LGR5: variants seen among roughly 807,000 people sequenced by gnomAD.
LGR5 encodes the protein leucine-rich repeat-containing G protein-coupled receptor 5.
A neutral mutation model predicts 76.7 loss-of-function variants in LGR5; 54 were observed. The observed-to-expected ratio is 0.70, with a 90% CI of 0.57 to 0.88. The LOEUF is 0.88. Ranked by LOEUF, LGR5 falls within the 40% of genes least tolerant of loss-of-function variation. The pLI, the probability that LGR5 is intolerant of heterozygous loss-of-function variation, is 0.00. For missense variants in LGR5, 1,078 were observed against 1,073.3 expected (o/e 1.00, Z -0.06); for synonymous variants, 406 against 421.9 (o/e 0.96, Z 0.46).
At chr12:71,516,716 G>T (rs1468170741) in intron 2 of LGR5, among the ~76,000 whole-genome samples, 1 of 152,086 alleles carries the variant, frequency 6.6e-6, no homozygotes, top group African/African-American at 2.4e-5. Flanking sequence ...ACTGTAGATG[G>T]TTTTTACAGC....
At chr12:71,498,745 T>C (rs1874450459) in intron 1 of LGR5, among the ~76,000 whole-genome samples, 1 of 152,102 alleles carries the variant, frequency 6.6e-6, no homozygotes, top group Admixed American at 6.5e-5. Flanking sequence ...TGTATTATGC[T>C]AAAGGGGAAG....
intron 4 of LGR5, among the ~76,000 whole-genome samples, chr12:71,543,720 C>T: frequency 6.6e-6 from 1 of 152,068 alleles, no homozygotes; most frequent in East Asian, 1.9e-4. Flanking sequence ...AGATCAAAGG[C>T]AAAAGGACCA....
Position 71,566,322 on chromosome 12 carries a change from C to T in LGR5, c.858-82C>T, listed in dbSNP as rs535258013. Reference sequence around the variant, plus strand: ...AATTAAAATTACATAAGTACATTTACTGTATTTGTTCAAATTTTGAACAGA... The same window carrying T: ...AATTAAAATTACATAAGTACATTTATTGTATTTGTTCAAATTTTGAACAGA... On this transcript the variant is annotated intron_variant, in intron 8 of 17. Transcript: ENST00000266674. The T allele has an allele frequency of 2.1e-5, 18 of 848,718 alleles. No individual in the cohort carries two copies. The Admixed American group carries it at 3.3e-4, about 15-fold the overall frequency. The allele number at this position is 848,718 out of a possible 1,614,324, so 52.6% of individuals were successfully genotyped here.
At chr12:71,537,857 T>C (rs914175326) in intron 4 of LGR5, among the ~76,000 whole-genome samples, 2 of 152,150 alleles carry the variant, frequency 1.3e-5, no homozygotes, top group Non-Finnish European at 2.9e-5. Flanking sequence ...GCCTAGAAAG[T>C]CTCCACTCCA....
At chr12:71,566,820 G>A (rs1878370642) in intron 10 of LGR5, 21 bp from the exon 11 acceptor site, 4 of 1,608,464 alleles carry the variant, frequency 2.5e-6, no homozygotes, top group South Asian at 1.1e-5. Context: ...AAAGAATTAT[G>A]TCTGGTTTGT....
At chr12:71,558,155 C>A (rs915822217) in intron 6 of LGR5, among the ~76,000 whole-genome samples, 4 of 152,174 alleles carry the variant, frequency 2.6e-5, no homozygotes, top group Non-Finnish European at 5.9e-5. Context: ...CAAGCAGTTC[C>A]CATCAGCTGC....
chr12:71,508,062 CAAAAAAAA>C, intron 2 of LGR5, among the ~76,000 whole-genome samples: 1 of 114,908 alleles, frequency 8.7e-6, no homozygotes, highest in Middle Eastern at 4.8e-3. Flanking sequence ...TACTAAAATA[CAAAAAAAA>C]AAAAAAAAAT....
At position 71,584,059 on chromosome 12, in the gene LGR5, A is replaced by C. The variant is rs142129955; in HGVS notation, c.2049A>C (p.Val683=). The C allele has an allele frequency of 4.3e-6, 7 of 1,614,080 alleles. No individual in the cohort carries two copies. Among genetic ancestry groups the C allele is most frequent in the Non-Finnish European group, 4.2e-6 (5 of 1,180,042 alleles). Residue 683 remains valine, a synonymous_variant, in exon 18 of 18, where the codon GTA becomes GTC. Transcript: ENST00000266674. ...AAGCTCCATTTTCTAGCCTGAAAGT[A>C]ATCATTTTGCTCTGTGCCCTGCTGG... ...ETKAPFSSLK[V]IILLCALLAL... is the part of the protein sequence containing the mutation.
chr12:71,493,668 G>A (rs949256843), intron 1 of LGR5, among the ~76,000 whole-genome samples: 2 of 151,118 alleles, frequency 1.3e-5, no homozygotes, highest in Non-Finnish European at 1.5e-5. Flanking sequence ...GAGAATAAAG[G>A]CAGGAAACAA....
chr12:71,534,518 G>A (rs1221244414), intron 3 of LGR5, among the ~76,000 whole-genome samples: 2 of 152,086 alleles, frequency 1.3e-5, no homozygotes. Flanking sequence ...ACATATATAA[G>A]AGCATGTCAT....
intron 1 of LGR5, among the ~76,000 whole-genome samples, chr12:71,500,524 A>T (rs567389390): frequency 3.9e-4 from 60 of 152,052 alleles, no homozygotes; most frequent in Non-Finnish European, 7.1e-4. Flanking sequence ...TGCAGCCTCA[A>T]CCTCCCAGGC....
intron 14 of LGR5, 149 bp from the exon 15 acceptor site, chr12:71,578,655 C>T (rs1349293488): frequency 7.4e-6 from 5 of 678,502 alleles, no homozygotes; most frequent in Non-Finnish European, 1.2e-5. Context: ...AGAGCTAAAC[C>T]AAAATGGTTA....
chr12:71,553,650 A>G (rs764404557), intron 5 of LGR5, among the ~76,000 whole-genome samples: 1 of 152,228 alleles, frequency 6.6e-6, no homozygotes, highest in Admixed American at 6.5e-5. Flanking sequence ...TCAAATTGAA[A>G]GATGCTCTTC....
At chr12:71,545,920 A>G (rs568231177) in intron 4 of LGR5, among the ~76,000 whole-genome samples, 1 of 152,326 alleles carries the variant, frequency 6.6e-6, no homozygotes, top group East Asian at 1.9e-4. Flanking sequence ...TGTTTCTTGT[A>G]AAAGAGAAAA....
intron 4 of LGR5, 128 bp downstream of exon 4, chr12:71,535,314 C>T: frequency 1.5e-6 from 1 of 649,314 alleles, no homozygotes; most frequent in Non-Finnish European, 2.7e-6. Context: ...GAATGAGAGC[C>T]CATTAGAGTA....
At chr12:71,497,321 G>A (rs1427694843) in intron 1 of LGR5, among the ~76,000 whole-genome samples, 3 of 140,512 alleles carry the variant, frequency 2.1e-5, no homozygotes, top group Admixed American at 7.6e-5. Flanking sequence ...GTTGAAAGAA[G>A]AAAAGAAAGA....
At chr12:71,472,398 A>G (rs900672742) in intron 1 of LGR5, among the ~76,000 whole-genome samples, 3 of 152,208 alleles carry the variant, frequency 2.0e-5, no homozygotes, top group Admixed American at 6.5e-5. Context: ...TGCCTCATAC[A>G]TGGCAGAACA....
At chr12:71,447,729 A>G (rs993692905) in intron 1 of LGR5, among the ~76,000 whole-genome samples, 1 of 152,206 alleles carries the variant, frequency 6.6e-6, no homozygotes, top group African/African-American at 2.4e-5. Context: ...CTTGGCAGAA[A>G]TGATACAAAC....
chr12:71,535,283 A>G, intron 4 of LGR5, 97 bp downstream of exon 4: 2 of 789,962 alleles, frequency 2.5e-6, no homozygotes, highest in Non-Finnish European at 2.1e-6. Flanking sequence ...CTTGGTTGGG[A>G]GTCATACCTA....
Sources: gnomAD v4.1 joint callset for allele counts (sites outside exome capture counted in the v4.1 genomes callset) on GRCh38, gnomAD v4.1.1 for gene constraint, MANE v1.5 for transcripts, NCBI Gene and HGNC (gene_info 2026-07-23, HGNC 2026-07-21) for gene names.